ST3GAL4: variants seen among roughly 807,000 people sequenced by gnomAD.
ST3GAL4 encodes CMP-N-acetylneuraminate-beta-galactosamide-alpha-2,3-sialyltransferase 4.
Under a neutral mutation model 42.6 loss-of-function variants are expected in ST3GAL4, and 24 were observed. The observed-to-expected ratio is 0.56, with a 90% CI of 0.41 to 0.79. The LOEUF is 0.79. Among genes scored for constraint, ST3GAL4 ranks in the 30% least tolerant of loss-of-function variants. The pLI is 0.00. For synonymous variants in ST3GAL4, 135 were observed against 163.2 expected (o/e 0.83, Z 1.32); for missense variants, 311 against 430.8 (o/e 0.72, Z 2.46).
chr11:126,364,820 C>T (rs1416751722), intron 1 of ST3GAL4, among the ~76,000 whole-genome samples: 2 of 151,528 alleles, frequency 1.3e-5, no homozygotes, highest in African/African-American at 4.9e-5. Flanking sequence ...CTTGGCCCAC[C>T]CCCATCAGAG....
chr11:126,358,360 CAGA>C (rs750362799), intron 1 of ST3GAL4: 3 of 354,596 alleles, frequency 8.5e-6, no homozygotes, highest in Non-Finnish European at 1.2e-5. Context: ...TGAGTGTAGG[CAGA>C]TTTGGGTGAC....
rs1028298353 is a variant in ST3GAL4, at chr11:126,390,224, A to G, written c.-60-15872A>G. On this transcript the variant is annotated intron_variant, in intron 1 of 10. Transcript: ENST00000444328. ...ACATTATGTCTTCAAGTTTATCCCAATTGACCCATATGGATTGATTTCTTC... is the reference window on the plus strand; with the variant it reads ...ACATTATGTCTTCAAGTTTATCCCAGTTGACCCATATGGATTGATTTCTTC... Among the ~76,000 whole-genome samples, 25 of 151,994 alleles carry G rather than the reference A, an allele frequency of 1.6e-4. No individual in the cohort carries two copies. The East Asian group carries it at 1.7e-3, about 11-fold the overall frequency.
At chr11:126,388,229 G>T (rs985159314) in intron 1 of ST3GAL4, among the ~76,000 whole-genome samples, 1 of 152,206 alleles carries the variant, frequency 6.6e-6, no homozygotes, top group African/African-American at 2.4e-5. Context: ...TCTCCATCAC[G>T]CTGGAATTTG....
intron 1 of ST3GAL4, among the ~76,000 whole-genome samples, chr11:126,364,555 G>A (rs1207431589): frequency 1.4e-5 from 2 of 143,392 alleles, no homozygotes; most frequent in Non-Finnish European, 3.0e-5. Context: ...GTGAGGTCAG[G>A]TGTTGGGCTG....
intron 1 of ST3GAL4, chr11:126,405,734 G>A (rs746009936): frequency 1.1e-5 from 3 of 265,986 alleles, no homozygotes; most frequent in African/African-American, 2.2e-5. Context: ...AACAGTGGGC[G>A]GGGGTAGCTG....
At chr11:126,358,384 A>G in intron 1 of ST3GAL4, 1 of 389,946 alleles carries the variant, frequency 2.6e-6, no homozygotes, top group Non-Finnish European at 5.2e-6. Flanking sequence ...TCTTGTTATT[A>G]ACCCCCTCTT....
chr11:126,392,462 C>T lies in ST3GAL4; in HGVS notation c.-60-13634C>T, dbSNP rs1472391960. 5.0e-6 allele frequency: 4 copies of T among 793,706 alleles called. No homozygotes were observed. The highest frequency in any genetic ancestry group is 6.1e-6 in the Non-Finnish European group (4 of 654,766). 49.2% of individuals were successfully genotyped at this position (793,706 alleles called of 1,614,324 possible). A position where few individuals can be genotyped will look rare whatever the true frequency, so the allele number is the denominator to read the frequency against. The stretch of plus-strand genomic sequence containing the variant: ...TGTGAGCTCATCGACATGCATTTGG[C>T]AGAAAGTGCGCTGGCTCTGCCAGCT... On this transcript the variant is annotated intron_variant, in intron 1 of 10. Transcript: ENST00000444328. The surrounding 1 kb of genome is among the most constrained non-coding windows in gnomAD (Gnocchi z 5.8).
Position 126,392,218 on chromosome 11 carries a change from C to T in ST3GAL4, c.-60-13878C>T. On this transcript the variant is annotated intron_variant, in intron 1 of 10. Transcript: ENST00000444328. This position sits in a 1 kb window ranked among gnomAD's most constrained non-coding sequence, Gnocchi z 5.8. ...CCTGGGGTTTCATCTCAGGTTGACCCCCGTTAGGAGGAAGTAAGTAGGAAG... is the reference window on the plus strand; with the variant it reads ...CCTGGGGTTTCATCTCAGGTTGACCTCCGTTAGGAGGAAGTAAGTAGGAAG... 1.4e-6 allele frequency: 1 copy of T among 729,248 alleles called. No homozygotes were observed. The highest frequency in any genetic ancestry group is 1.7e-6 in the Non-Finnish European group (1 of 595,924). The allele number at this position is 729,248 out of a possible 1,614,324, so 45.2% of individuals were successfully genotyped here.
chr11:126,371,480 C>T (rs1952644387), intron 1 of ST3GAL4, among the ~76,000 whole-genome samples: 1 of 152,108 alleles, frequency 6.6e-6, no homozygotes, highest in African/African-American at 2.4e-5. Flanking sequence ...TCATCATACA[C>T]ATAAGCACGC....
chr11:126,406,508 G>T lies in ST3GAL4; in HGVS notation c.52G>T (p.Val18Phe). 6.2e-7 allele frequency: 1 copy of T among 1,614,208 alleles called. No individual in the cohort carries two copies. Among genetic ancestry groups the T allele is most frequent in the South Asian group, 1.1e-5 (1 of 91,086 alleles). The change falls in exon 3 of 11, where the codon GTC becomes TTC. Residue 18 changes from valine to phenylalanine, a missense_variant. By Grantham distance (50) the Val-to-Phe change is conservative. Transcript: ENST00000444328. The surrounding 1 kb of genome is among the most constrained non-coding windows in gnomAD (Gnocchi z 5.4). Reference sequence around the variant, plus strand: ...CCTGGCCATGTTGGCTCTGGTCCTGGTCGTCATGGTGTGGTATTCCATCTC... The same window carrying T: ...CCTGGCCATGTTGGCTCTGGTCCTGTTCGTCATGGTGTGGTATTCCATCTC... ...KLLAMLALVLVVMVWYSISRE... is the reference protein window; with the variant it reads ...KLLAMLALVLFVMVWYSISRE...
rs1007881014 is a variant in ST3GAL4 at position 126,393,570 on chromosome 11, C to T, written c.-60-12526C>T. On this transcript the variant is annotated intron_variant, in intron 1 of 10. Transcript: ENST00000444328. The surrounding 1 kb of genome is among the most constrained non-coding windows in gnomAD (Gnocchi z 5.9). ...AGTCAGAATAAGCGGGACCCCTCCA[C>T]AGGCATCTCAGCCCTCCTAATTTAG... Among the ~76,000 whole-genome samples, 6 of 152,166 alleles carry T rather than the reference C, an allele frequency of 3.9e-5. No homozygotes were observed. The highest frequency in any genetic ancestry group is 3.9e-4 in the Admixed American group (6 of 15,274).
chr11:126,376,380 C>T lies in ST3GAL4; in HGVS notation c.-61+20538C>T, dbSNP rs1345953387. On this transcript the variant is annotated intron_variant, in intron 1 of 10. Transcript: ENST00000444328. This position sits in a 1 kb window ranked among gnomAD's most constrained non-coding sequence, Gnocchi z 5.1. ...AGGTTTAGTGGCCCAATGACAGTTT[C>T]AGAGGCAGGTGTTTGGAGAGTGAAT... Among the ~76,000 whole-genome samples, 1 of 152,130 alleles carries T rather than the reference C, an allele frequency of 6.6e-6. No homozygotes were observed. Among genetic ancestry groups the T allele is most frequent in the Non-Finnish European group, 1.5e-5 (1 of 68,022 alleles).
At chr11:126,375,080 C>G (rs969251609) in intron 1 of ST3GAL4, 15 of 152,272 alleles carry the variant, frequency 9.9e-5, no homozygotes, top group African/African-American at 3.6e-4. Context: ...GGCAGGGAAG[C>G]CAGAGGAGTC....
intron 1 of ST3GAL4, among the ~76,000 whole-genome samples, chr11:126,361,447 G>A (rs1339134605): frequency 3.3e-5 from 5 of 151,104 alleles, no homozygotes; most frequent in African/African-American, 1.2e-4. Context: ...CATGCCGTGT[G>A]GGGTCTCACC....
At position 126,384,584 on chromosome 11, in the gene ST3GAL4, C is replaced by A. The variant is rs1953142240; in HGVS notation, c.-60-21512C>A. ...AGGCTGAGGGATCCGTGTGCCAGCC[C>A]TTCTGGGAAGGCTGAATGGGGCGGA... On this transcript the variant is annotated intron_variant, in intron 1 of 10. Transcript: ENST00000444328. The surrounding 1 kb of genome is among the most constrained non-coding windows in gnomAD (Gnocchi z 5.5). Among the ~76,000 whole-genome samples the A allele has an allele frequency of 6.6e-6, 1 of 152,104 alleles. No individual in the cohort carries two copies. The highest frequency in any genetic ancestry group is 1.5e-5 in the Non-Finnish European group (1 of 68,014).
chr11:126,402,993 T>TACTC (rs1954073916), intron 1 of ST3GAL4, among the ~76,000 whole-genome samples: 1 of 152,226 alleles, frequency 6.6e-6, no homozygotes, highest in Admixed American at 6.5e-5. Context: ...CCCACCCAGG[T>TACTC]ACTCTACTGT....
At chr11:126,369,130 T>A (rs1468793155) in intron 1 of ST3GAL4, among the ~76,000 whole-genome samples, 1 of 152,148 alleles carries the variant, frequency 6.6e-6, no homozygotes, top group Non-Finnish European at 1.5e-5. Context: ...GAGGCACAGG[T>A]GATGCGTGTT....
chr11:126,388,666 T>G (rs1393494299), intron 1 of ST3GAL4, among the ~76,000 whole-genome samples: 3 of 139,188 alleles, frequency 2.2e-5, no homozygotes, highest in South Asian at 2.4e-4. Context: ...TCTTGTTTTT[T>G]TTTTTTTTTT....
chr11:126,404,490 A>C (rs981461364), intron 1 of ST3GAL4, among the ~76,000 whole-genome samples: 6 of 152,242 alleles, frequency 3.9e-5, no homozygotes, highest in African/African-American at 1.4e-4. Flanking sequence ...GACAGACAGA[A>C]AGAAAACAAG....
Sources: gnomAD v4.1 joint callset for allele counts (sites outside exome capture counted in the v4.1 genomes callset) on GRCh38, gnomAD v4.1.1 for gene constraint, Gnocchi (gnomAD v3.1) non-coding constraint, MANE v1.5 for transcripts, NCBI Gene and HGNC (gene_info 2026-07-23, HGNC 2026-07-21) for gene names.